The following GLYATL2 variants were observed in gnomAD, a reference collection of about 807,000 sequenced individuals.
The protein encoded by GLYATL2 is glycine-N-acyltransferase like 2.
In GLYATL2, 25 loss-of-function variants were observed where a neutral mutation model predicts 21.4. That is an observed-to-expected ratio of 1.17 (90% CI 0.85 to 1.63). GLYATL2 has a LOEUF of 1.63. Ranked by LOEUF, GLYATL2 falls within the 40% of genes most tolerant of loss-of-function variation. The pLI is 0.00. For synonymous variants in GLYATL2, 114 were observed against 118.2 expected (o/e 0.96, Z 0.23); for missense variants, 361 against 343.3 (o/e 1.05, Z -0.41).
intron 1 of GLYATL2, among the ~76,000 whole-genome samples, chr11:58,849,874 G>A (rs1298802691): frequency 6.6e-6 from 1 of 151,858 alleles, no homozygotes; most frequent in East Asian, 1.9e-4. Context: ...ACCATAGCTC[G>A]CTTATACCTA....
At chr11:58,904,951 T>C (rs1480140765), upstream of GLYATL2, among the ~76,000 whole-genome samples, 3 of 152,332 alleles carry the variant, frequency 2.0e-5, 1 homozygote, top group Non-Finnish European at 1.5e-5. Context: ...TCTCCTTCTA[T>C]TCATGTTCTT....
intron 1 of GLYATL2, among the ~76,000 whole-genome samples, chr11:58,888,732 C>T (rs984379729): frequency 6.6e-6 from 1 of 151,796 alleles, no homozygotes; most frequent in African/African-American, 2.4e-5. Flanking sequence ...GGAGAGTTCA[C>T]CATTGTACAT....
intron 1 of GLYATL2, among the ~76,000 whole-genome samples, chr11:58,880,192 C>G (rs1854308821): frequency 6.6e-6 from 1 of 151,996 alleles, no homozygotes; most frequent in Non-Finnish European, 1.5e-5. Flanking sequence ...AGGGGTCTAC[C>G]CAGGATTTTA....
rs1169659693 is a variant in GLYATL2 at position 58,884,942 on chromosome 11, A to G, written n.60+19214T>C. 5 of 157,360 alleles carry G rather than the reference A, an allele frequency of 3.2e-5. No homozygotes were observed. The East Asian group carries it at 7.7e-4, about 24-fold the overall frequency. The allele number at this position is 157,360 out of a possible 1,614,324, so 9.7% of individuals were successfully genotyped here. ...AAGGGCTCAAGGAATGAAGCATCCC[A>G]CAAAATGATCCTGCTGAATAATTGC... On this transcript the variant is annotated intron_variant and non_coding_transcript_variant, in intron 1 of 4. Coordinates refer to the GLYATL2 transcript ENST00000533636.
chr11:58,881,585 C>A (rs1466638243), intron 1 of GLYATL2, among the ~76,000 whole-genome samples: 1 of 151,906 alleles, frequency 6.6e-6, no homozygotes. Context: ...TTTTAGAAGG[C>A]TGATTTTTTT....
intron 5 of GLYATL2, 92 bp from the exon 6 acceptor site, chr11:58,834,929 G>A (rs928871876): frequency 3.3e-6 from 3 of 920,756 alleles, no homozygotes; most frequent in Admixed American, 5.7e-5. Flanking sequence ...CTTTCCTTAA[G>A]GACCCTACAG....
rs1424511878 is a variant in GLYATL2 at position 58,864,415 on chromosome 11, G to T, written n.61-26047C>A. Among the ~76,000 whole-genome samples, 3 of 146,960 alleles carry T rather than the reference G, an allele frequency of 2.0e-5. 1 individual carries two copies. The East Asian group carries it at 7.1e-4, about 35-fold the overall frequency. On this transcript the variant is annotated intron_variant and non_coding_transcript_variant, in intron 1 of 4. Transcript: ENST00000533636. ...AGTCCACCAGGCAAGCCTGGAGCCTGTCCTGTGAGATCTGGTTTGGCTCAG... is the reference window on the plus strand; with the variant it reads ...AGTCCACCAGGCAAGCCTGGAGCCTTTCCTGTGAGATCTGGTTTGGCTCAG...
At chr11:58,844,240 C>G (rs1294207662) in intron 1 of GLYATL2, among the ~76,000 whole-genome samples, 194 bp downstream of exon 1, 1 of 152,062 alleles carries the variant, frequency 6.6e-6, no homozygotes, top group Non-Finnish European at 1.5e-5. Context: ...CTGGCTTTTT[C>G]TGAAGTATTT....
At chr11:58,862,049 A>C (rs1339942725) in intron 1 of GLYATL2, among the ~76,000 whole-genome samples, 1 of 10,612 alleles carries the variant, frequency 9.4e-5, no homozygotes. Flanking sequence ...TTGCAAAAAC[A>C]AACAAACAAA....
intron 1 of GLYATL2, among the ~76,000 whole-genome samples, chr11:58,844,193 A>C (rs550037739): frequency 6.6e-6 from 1 of 152,322 alleles, no homozygotes; most frequent in Middle Eastern, 3.4e-3. Flanking sequence ...ATTCAAGGAA[A>C]GCATTTGGAC....
upstream of GLYATL2, chr11:58,907,563 C>CT: frequency 2.8e-6 from 1 of 357,290 alleles, no homozygotes; most frequent in South Asian, 2.2e-5. Context: ...AAGGTAATGA[C>CT]TTTTAATGTT....
In GLYATL2 at chr11:58,857,888, C is replaced by CA. The variant is rs545952478; in HGVS notation, n.61-19521dup. Reference sequence around the variant, plus strand: ...CCTCATTCCCTACTCTTTTCCCCTCCAAAAAAAAAAAAAAAAAAAAAAAAA... The same window carrying CA: ...CCTCATTCCCTACTCTTTTCCCCTCCAAAAAAAAAAAAAAAAAAAAAAAAAA... On this transcript the variant is annotated intron_variant and non_coding_transcript_variant, in intron 1 of 4. Transcript: ENST00000533636. Among the ~76,000 whole-genome samples the CA allele has an allele frequency of 6.5e-3, 699 of 108,318 alleles. 3 individuals are homozygous for CA. The highest frequency in any genetic ancestry group is 0.024 in the African/African-American group (642 of 26,840). The allele number at this position is 108,318 out of a possible 152,430, so 71.1% of individuals were successfully genotyped here.
At chr11:58,901,874 G>C (rs772073670) in intron 1 of GLYATL2, among the ~76,000 whole-genome samples, 1 of 152,076 alleles carries the variant, frequency 6.6e-6, no homozygotes, top group Non-Finnish European at 1.5e-5. Context: ...ATTCATCTCC[G>C]AGTACCACTG....
chr11:58,857,116 T>C (rs969866583), intron 1 of GLYATL2, among the ~76,000 whole-genome samples: 5 of 152,216 alleles, frequency 3.3e-5, no homozygotes, highest in Admixed American at 1.3e-4. Flanking sequence ...TGCATAAGGC[T>C]ACACTGATTT....
chr11:58,849,694 C>A (rs1233535658), upstream of GLYATL2, among the ~76,000 whole-genome samples: 1 of 152,068 alleles, frequency 6.6e-6, no homozygotes, highest in Admixed American at 6.6e-5. Context: ...GAACAGAAAA[C>A]CAAACACCGC....
chr11:58,856,299 T>C (rs751166059), intron 1 of GLYATL2, among the ~76,000 whole-genome samples: 1 of 152,246 alleles, frequency 6.6e-6, no homozygotes, highest in African/African-American at 2.4e-5. Flanking sequence ...TGTTTATGAA[T>C]GTTGTGGCTA....
intron 1 of GLYATL2, among the ~76,000 whole-genome samples, chr11:58,883,836 G>A (rs1025558565): frequency 9.9e-5 from 15 of 152,178 alleles, no homozygotes; most frequent in Admixed American, 9.8e-4. Flanking sequence ...CCAGCAAACC[G>A]AATCCAGCAG....
chr11:58,864,040 G>A (rs2134596923), intron 1 of GLYATL2, among the ~76,000 whole-genome samples: 1 of 152,288 alleles, frequency 6.6e-6, no homozygotes, highest in African/African-American at 2.4e-5. Flanking sequence ...ACTGGGGTTG[G>A]CCTGAATCCT....
chr11:58,877,884 T>C (rs550241828), intron 1 of GLYATL2, among the ~76,000 whole-genome samples: 1 of 152,240 alleles, frequency 6.6e-6, no homozygotes, highest in Non-Finnish European at 1.5e-5. Context: ...ATTTCAGTCC[T>C]TTTGGGTGAA....
Sources: allele counts gnomAD v4.1 joint callset (sites outside exome capture counted in the v4.1 genomes callset), GRCh38; gene constraint gnomAD v4.1.1; transcripts MANE v1.5; gene names NCBI Gene and HGNC (gene_info 2026-07-23, HGNC 2026-07-21).